Variants in CYFIP1 observed in about 807,000 individuals in gnomAD.
CYFIP1 encodes the protein cytoplasmic FMR1 interacting protein 1, also known as cytoplasmic FMR1-interacting protein 1.
In CYFIP1, 58 loss-of-function variants were observed where a neutral mutation model predicts 163.5. That is an observed-to-expected ratio of 0.35 (90% CI 0.29 to 0.44). The LOEUF (loss-of-function observed/expected upper bound fraction) is 0.44. Among genes scored for constraint, CYFIP1 ranks in the 20% least tolerant of loss-of-function variants. CYFIP1 has a pLI of 1.00. For missense variants in CYFIP1, 1,338 were observed against 1,653.8 expected, an observed-to-expected ratio of 0.81 and a Z score of 3.31; for synonymous variants, 663 against 660.7, an observed-to-expected ratio of 1.00 and a Z score of -0.05.
chr15:22,885,603 G>T (rs2059907304), intron 23 of CYFIP1, among the ~76,000 whole-genome samples: 1 of 152,124 alleles, frequency 6.6e-6, no homozygotes, highest in Admixed American at 6.6e-5. Flanking sequence ...CATGGTGGTG[G>T]GCACCTGTAA....
chr15:22,952,348 C>G (rs1255503442), intron 1 of CYFIP1, among the ~76,000 whole-genome samples: 1 of 151,948 alleles, frequency 6.6e-6, no homozygotes, highest in Admixed American at 6.6e-5. Flanking sequence ...CGCCACTGAG[C>G]TGTACACTTA....
intron 10 of CYFIP1, among the ~76,000 whole-genome samples, chr15:22,933,197 G>T (rs995755302): frequency 6.6e-5 from 10 of 151,926 alleles, no homozygotes; most frequent in Non-Finnish European, 1.3e-4. Context: ...CTGTCCAATA[G>T]GAATCCCTAG....
Position 22,957,137 on chromosome 15 carries a change from C to T in CYFIP1, c.-6-9846G>A, listed in dbSNP as rs187355105. Among the ~76,000 whole-genome samples, 11 of 152,370 alleles carry T rather than the reference C, an allele frequency of 7.2e-5. No individual in the cohort carries two copies. In the East Asian group the frequency reaches 1.7e-3, roughly 24 times the overall value. Reference sequence around the variant, plus strand: ...CTAACTCCCGCCACTGCAGCCCGCACTGAGACAGGTGGAGAGATGCTTTGC... The same window carrying T: ...CTAACTCCCGCCACTGCAGCCCGCATTGAGACAGGTGGAGAGATGCTTTGC... On this transcript the variant is annotated intron_variant, in intron 1 of 30. Coordinates refer to ENST00000617928, the MANE Select transcript of CYFIP1 (RefSeq NM_014608.6).
Position 22,944,611 on chromosome 15 carries a change from C to T in CYFIP1, c.334G>A (p.Val112Met), listed in dbSNP as rs1177265691. The T allele has an allele frequency of 3.7e-6, 6 of 1,613,780 alleles. No homozygotes were observed. Among genetic ancestry groups the T allele is most frequent in the East Asian group, 4.5e-5 (2 of 44,888 alleles). ...PNRVEIYEKT[V>M]EVLEPEVTKL... ...GTGACCTCAGGCTCCAGAACCTCCACGGTTTTCTCGTAGATTTCCACTCTG... is the reference window on the plus strand; with the variant it reads ...GTGACCTCAGGCTCCAGAACCTCCATGGTTTTCTCGTAGATTTCCACTCTG... The change falls in exon 5 of 31, where the codon GTG becomes ATG. Residue 112 changes from valine to methionine, a missense_variant. Physicochemically the swap from Val to Met is conservative, Grantham distance 21. This residue lies in a region of CYFIP1 where 186 missense variants were observed against 288.3 expected (regional missense o/e 0.65). Coordinates refer to ENST00000617928, the MANE Select transcript of CYFIP1 (RefSeq NM_014608.6).
chr15:22,891,424 C>CA (rs2060078994), intron 23 of CYFIP1, among the ~76,000 whole-genome samples: 1 of 151,890 alleles, frequency 6.6e-6, no homozygotes, highest in South Asian at 2.1e-4. Flanking sequence ...GACTCCATCT[C>CA]AAAAAAATAA....
In CYFIP1 at chr15:22,917,767, CG is replaced by C. The variant is rs1469212148; in HGVS notation, c.1674+20del. On this transcript the variant is annotated intron_variant, in intron 15 of 30. Coordinates refer to ENST00000617928, the MANE Select transcript of CYFIP1 (RefSeq NM_014608.6). This position sits in a 1 kb window ranked among gnomAD's most constrained non-coding sequence, Gnocchi z 4.2. ...GGTCCCCCCAGGGAGAGGGTGCAGG[CG>C]GGGCTCAAGGGACGAGAACCTGAGT... 1 of 1,580,858 alleles carries C rather than the reference CG, an allele frequency of 6.3e-7. No individual in the cohort carries two copies. Among genetic ancestry groups the C allele is most frequent in the African/African-American group, 1.4e-5 (1 of 74,052 alleles).
chr15:22,956,974 TA>T (rs2062482692), intron 1 of CYFIP1, among the ~76,000 whole-genome samples: 1 of 152,256 alleles, frequency 6.6e-6, no homozygotes, highest in East Asian at 1.9e-4. Context: ...GTCATCTCTT[TA>T]GGTGTTAAAA....
At position 22,954,253 on chromosome 15, in the gene CYFIP1, C is replaced by T. The variant is rs8041585; in HGVS notation, c.-6-6962G>A. Among the ~76,000 whole-genome samples the T allele has an allele frequency of 5.6e-3, 857 of 152,152 alleles. 7 individuals are homozygous for T. The highest frequency in any genetic ancestry group is 0.02 in the African/African-American group (823 of 41,504). On this transcript the variant is annotated intron_variant, in intron 1 of 30. Coordinates refer to ENST00000617928, the MANE Select transcript of CYFIP1 (RefSeq NM_014608.6). ...CACAAGAGAGGCCAACCCTGCTGGC[C>T]CCCTGATCTCAGACTCCCAGCTCCA...
At chr15:22,927,802 G>T in intron 12 of CYFIP1, 104 bp downstream of exon 12, 2 of 1,194,624 alleles carry the variant, frequency 1.7e-6, no homozygotes, top group Non-Finnish European at 2.3e-6. Context: ...AGATATTCTC[G>T]TCTTTCTAGG....
At chr15:22,894,820 T>TTA (rs1164544093) in intron 22 of CYFIP1, among the ~76,000 whole-genome samples, 2 of 147,550 alleles carry the variant, frequency 1.4e-5, no homozygotes, top group East Asian at 1.9e-4. Flanking sequence ...TTCTATATAA[T>TTA]TATATATATA....
intron 17 of CYFIP1, among the ~76,000 whole-genome samples, chr15:22,913,180 A>G (rs2060839627): frequency 6.6e-6 from 1 of 151,446 alleles, no homozygotes; most frequent in Non-Finnish European, 1.5e-5. Flanking sequence ...TGGGCAATAG[A>G]GCAAGACCTT....
At position 22,914,710 on chromosome 15, in the gene CYFIP1, C is replaced by A. The variant is rs745900546; in HGVS notation, c.1985+16G>T. 8.7e-6 allele frequency: 14 copies of A among 1,601,680 alleles called. No homozygotes were observed. Among genetic ancestry groups the A allele is most frequent in the Non-Finnish European group, 1.2e-5 (14 of 1,173,230 alleles). On this transcript the variant is annotated intron_variant, in intron 17 of 30. Transcript: ENST00000617928. The stretch of plus-strand genomic sequence containing the variant: ...ACCACACACAAAGGCTGGAGACAGG[C>A]CCGCAGGACACGCACTCCATCATCG...
At chr15:22,927,178 A>G (rs1348945575) in intron 12 of CYFIP1, among the ~76,000 whole-genome samples, 2 of 152,016 alleles carry the variant, frequency 1.3e-5, no homozygotes, top group Non-Finnish European at 2.9e-5. Flanking sequence ...GTACAAAAAA[A>G]ACCAAAAAAC....
At position 22,917,685 on chromosome 15, in the gene CYFIP1, G is replaced by A; in HGVS notation, c.1674+103C>T. The A allele has an allele frequency of 1.5e-6, 2 of 1,350,074 alleles. No individual in the cohort carries two copies. The highest frequency in any genetic ancestry group is 2.0e-6 in the Non-Finnish European group (2 of 1,014,202). 83.6% of individuals were successfully genotyped at this position (1,350,074 alleles called of 1,614,324 possible). The stretch of plus-strand genomic sequence containing the variant: ...GCCACTTTCTCTGCCTGAGCAGGCA[G>A]CGAGGACCTCATTTAACCCGGGCCT... On this transcript the variant is annotated intron_variant, in intron 15 of 30. Coordinates refer to ENST00000617928, the MANE Select transcript of CYFIP1 (RefSeq NM_014608.6). This position sits in a 1 kb window ranked among gnomAD's most constrained non-coding sequence, Gnocchi z 4.2.
intron 1 of CYFIP1, among the ~76,000 whole-genome samples, chr15:22,967,592 A>C (rs2062955464): frequency 6.6e-6 from 1 of 151,916 alleles, no homozygotes; most frequent in Admixed American, 6.6e-5. Context: ...ATAGCACCCC[A>C]CCACAGCCCG....
chr15:22,897,668 G>A (rs2060279563), intron 22 of CYFIP1, among the ~76,000 whole-genome samples: 1 of 152,024 alleles, frequency 6.6e-6, no homozygotes, highest in Non-Finnish European at 1.5e-5. Context: ...ATTTTTAGTA[G>A]AGGTGGAGTT....
In CYFIP1 at chr15:22,933,876, C is replaced by T. The variant is rs11633474; in HGVS notation, c.918G>A (p.Pro306=). 761,295 of 1,607,208 alleles carry T rather than the reference C, an allele frequency of 0.47. 188,006 individuals carry two copies. The highest frequency in any genetic ancestry group is 0.52 in the Middle Eastern group (3,174 of 6,048). The change falls in exon 10 of 31, where the codon CCG becomes CCA. Residue 306 remains proline, a synonymous_variant. Coordinates refer to ENST00000617928, the MANE Select transcript of CYFIP1 (RefSeq NM_014608.6). The part of the protein sequence containing the change: ...DKYFKQLQVV[P]LFGDMQIELA... ...GTTCTATTTGCATGTCCCCAAATAG[C>T]GGAACCACCTGGAGTTGCTGTATTC... is the stretch of plus-strand genomic sequence containing the variant.
chr15:22,911,956 G>C (rs1034526205), intron 18 of CYFIP1, among the ~76,000 whole-genome samples: 15 of 152,178 alleles, frequency 9.9e-5, no homozygotes, highest in Admixed American at 8.5e-4. Flanking sequence ...ACCAAAAATA[G>C]ATGAGGACAC....
intron 1 of CYFIP1, among the ~76,000 whole-genome samples, chr15:22,968,633 G>A (rs1159634260): frequency 2.0e-5 from 3 of 152,290 alleles, no homozygotes; most frequent in Non-Finnish European, 1.5e-5. Context: ...TCCACACCCT[G>A]TCATCACGAC....
Sources: allele counts gnomAD v4.1 joint callset (sites outside exome capture counted in the v4.1 genomes callset), GRCh38; gene constraint gnomAD v4.1.1; regional missense constraint gnomAD v4.1.1; non-coding constraint Gnocchi (gnomAD v3.1); transcripts MANE v1.5; gene names NCBI Gene and HGNC (gene_info 2026-07-23, HGNC 2026-07-21).